Variants in USP48 observed in about 807,000 individuals in gnomAD.
The protein encoded by USP48 is ubiquitin carboxyl-terminal hydrolase 48.
USP48 carries 43 observed loss-of-function variants against 150.7 expected under a neutral mutation model. That is an observed-to-expected ratio of 0.29 (90% CI 0.22 to 0.37). USP48 has a LOEUF of 0.37. Ranked by LOEUF, USP48 falls within the 10% of genes least tolerant of loss-of-function variation. USP48 has a pLI of 1.00. For synonymous variants in USP48, 396 were observed against 425.9 expected (o/e 0.93, Z 0.86); for missense variants, 813 against 1,249.6 (o/e 0.65, Z 5.27).
chr1:21,727,694 CAG>C (rs1226860334), intron 11 of USP48, among the ~76,000 whole-genome samples: 1 of 152,064 alleles, frequency 6.6e-6, no homozygotes, highest in East Asian at 1.9e-4. Context: ...AACCCTTGGA[CAG>C]AGTTAAAGTA....
At position 21,747,086 on chromosome 1, in the gene USP48, C is replaced by T. The variant is rs1326411895; in HGVS notation, c.972G>A (p.Glu324=). Residue 324 remains glutamate (E), a synonymous_variant, in exon 8 of 27, where the codon GAG becomes GAA. Transcript: ENST00000308271. ...TATTACCTTTATGTTCCACATAAGG[C>T]TCCATATCCAAAATTTCTGAGAAGC... is the stretch of plus-strand genomic sequence containing the variant. ...YIGFSEILDM[E]PYVEHKGGSY... is the part of the protein sequence containing the mutation. 6.2e-7 allele frequency: 1 copy of T among 1,611,852 alleles called. No homozygotes were observed. Among genetic ancestry groups the T allele is most frequent in the Non-Finnish European group, 8.5e-7 (1 of 1,179,576 alleles).
chr1:21,717,090 T>A (rs549371296), intron 14 of USP48, among the ~76,000 whole-genome samples: 166 of 143,892 alleles, frequency 1.2e-3, no homozygotes, highest in African/African-American at 3.4e-3. Context: ...ATACAAAAAA[T>A]ATCTACTAAT....
intron 25 of USP48, chr1:21,686,665 C>T (rs2097580990): frequency 6.5e-6 from 1 of 154,136 alleles, no homozygotes; most frequent in South Asian, 2.0e-4. Context: ...GAGATGGTCT[C>T]CTATTTGGTA....
intron 18 of USP48, 81 bp from the exon 19 acceptor site, chr1:21,705,918 A>G: frequency 2.5e-6 from 3 of 1,208,520 alleles, no homozygotes; most frequent in Non-Finnish European, 3.4e-6. Context: ...TTATTTCAAA[A>G]TCAGAGATAT....
chr1:21,739,742 T>G (rs1399145168), intron 8 of USP48, among the ~76,000 whole-genome samples: 1 of 152,188 alleles, frequency 6.6e-6, no homozygotes, highest in African/African-American at 2.4e-5. Flanking sequence ...CAAAACTTAC[T>G]CGTCCTGTTG....
At chr1:21,726,807 A>G (rs2097738574) in intron 11 of USP48, among the ~76,000 whole-genome samples, 1 of 152,242 alleles carries the variant, frequency 6.6e-6, no homozygotes, top group Non-Finnish European at 1.5e-5. Context: ...TCCAAAGGCC[A>G]TGGACATAAT....
chr1:21,720,967 C>G lies in USP48; in HGVS notation c.1894+69G>C. On this transcript the variant is annotated intron_variant, in intron 14 of 26. Transcript: ENST00000308271. ...AGCTGGGACTACACGAATGAGCCAC[C>G]GTGCCTGGCCCACTTATATTTTCAT... The G allele has an allele frequency of 2.5e-6, 4 of 1,577,540 alleles. No individual in the cohort carries two copies. The South Asian group carries it at 4.7e-5, about 18-fold the overall frequency.
intron 1 of USP48, among the ~76,000 whole-genome samples, chr1:21,765,837 G>A (rs78666741): frequency 0.08 from 10,950 of 137,116 alleles, 472 homozygotes; most frequent in Middle Eastern, 0.12. Context: ...CTACGAAGCC[G>A]AGGTTGCAGT....
Position 21,721,768 on chromosome 1 carries a change from C to T in USP48, c.1649-4G>A, listed in dbSNP as rs371746631. 161 of 1,567,050 alleles carry T rather than the reference C, an allele frequency of 1.0e-4. No individual in the cohort carries two copies. The highest frequency in any genetic ancestry group is 3.4e-4 in the Middle Eastern group (2 of 5,898). The stretch of plus-strand genomic sequence containing the variant: ...CATTCCTTACACAGGGCTTTCACTA[C>T]AGGCAAGAAAGAATGAAAGGAAATA... On this transcript the variant is annotated splice_region_variant and splice_polypyrimidine_tract_variant and intron_variant, in intron 12 of 26. Transcript: ENST00000308271.
At chr1:21,688,012 C>T (rs2097584247) in intron 24 of USP48, among the ~76,000 whole-genome samples, 1 of 152,140 alleles carries the variant, frequency 6.6e-6, no homozygotes, top group South Asian at 2.1e-4. Flanking sequence ...AACTTTATCA[C>T]ACCAGAACGG....
chr1:21,747,366 G>A lies in USP48; in HGVS notation c.909-217C>T, dbSNP rs138427966. ...ATGCGAAGTGCTGATTCCAAACACA[G>A]CTTATTTTCCAGAAGTTTCAACTTA... is the stretch of plus-strand genomic sequence containing the variant. On this transcript the variant is annotated intron_variant, in intron 7 of 26. Transcript: ENST00000308271. 4.3e-4 allele frequency among the ~76,000 whole-genome samples: 65 copies of A among 152,272 alleles called. No homozygotes were observed. The East Asian group carries it at 0.012, about 29-fold the overall frequency.
chr1:21,711,640 A>G (rs1326456388), intron 15 of USP48, among the ~76,000 whole-genome samples: 1 of 152,234 alleles, frequency 6.6e-6, no homozygotes, highest in African/African-American at 2.4e-5. Context: ...TAGTGGCCCA[A>G]TAGCAGACAG....
At chr1:21,710,213 T>C (rs1243510086) in intron 15 of USP48, among the ~76,000 whole-genome samples, 1 of 151,860 alleles carries the variant, frequency 6.6e-6, no homozygotes, top group African/African-American at 2.4e-5. Flanking sequence ...CAAAACAAGA[T>C]CAAAGCAGTC....
At chr1:21,696,798 C>T (rs1216926206) in intron 22 of USP48, among the ~76,000 whole-genome samples, 4 of 151,258 alleles carry the variant, frequency 2.6e-5, no homozygotes, top group Non-Finnish European at 5.9e-5. Flanking sequence ...CTCTACAGTA[C>T]TCCTATAAAT....
intron 15 of USP48, 90 bp downstream of exon 15, chr1:21,715,299 G>A (rs1229808868): frequency 1.3e-5 from 13 of 985,230 alleles, no homozygotes; most frequent in African/African-American, 1.7e-5. Flanking sequence ...CAGGTAAGAT[G>A]TGAGAGATAC....
chr1:21,721,177 G>A lies in USP48; in HGVS notation c.1764-11C>T. On this transcript the variant is annotated splice_polypyrimidine_tract_variant and intron_variant, in intron 13 of 26. Coordinates refer to ENST00000308271, the MANE Select transcript of USP48 (RefSeq NM_032236.8). ...CAAAATCCATCGCTGCTGTGGAACA[G>A]AGAGAATGTTAAATCATATAAGTAA... The A allele has an allele frequency of 6.2e-7, 1 of 1,613,746 alleles. No individual in the cohort carries two copies. The highest frequency in any genetic ancestry group is 8.5e-7 in the Non-Finnish European group (1 of 1,179,770).
At position 21,731,079 on chromosome 1, in the gene USP48, G is replaced by A. The variant is rs1032871135; in HGVS notation, c.1172-1247C>T. Among the ~76,000 whole-genome samples, 2 of 151,950 alleles carry A rather than the reference G, an allele frequency of 1.3e-5. 1 individual carries two copies. The highest frequency in any genetic ancestry group is 4.8e-5 in the African/African-American group (2 of 41,354). ...TGGCTGAAATATTTTTATTCTCAAT[G>A]ATTGCTTGGTACACAAGTATTTGTT... On this transcript the variant is annotated intron_variant, in intron 9 of 26. Transcript: ENST00000308271.
intron 1 of USP48, among the ~76,000 whole-genome samples, chr1:21,762,229 T>C (rs2097851670): frequency 1.3e-5 from 2 of 151,814 alleles, no homozygotes; most frequent in South Asian, 4.2e-4. Context: ...ATCGCACCAG[T>C]GCATTCCAGC....
In USP48 at chr1:21,736,527, C is replaced by G; in HGVS notation, c.1090G>C (p.Gly364Arg). The part of the protein sequence containing the change: ...YIAHVKDPQS[G>R]EWYKFNDEDI... ...TCATCATTAAACTTATACCATTCAC[C>G]AGACTGTGGATCTTTCACGTGGGCG... The change falls in exon 9 of 27, where the codon GGT (glycine) becomes CGT (arginine). Residue 364 changes from glycine (G) to arginine (R), a missense_variant. Physicochemically the swap from Gly to Arg is moderately radical, Grantham distance 125. Coordinates refer to ENST00000308271, the MANE Select transcript of USP48 (RefSeq NM_032236.8). The G allele has an allele frequency of 6.2e-7, 1 of 1,602,186 alleles. No individual in the cohort carries two copies. Among genetic ancestry groups the G allele is most frequent in the Non-Finnish European group, 8.5e-7 (1 of 1,176,276 alleles).
Sources: gnomAD v4.1 joint callset for allele counts (sites outside exome capture counted in the v4.1 genomes callset) on GRCh38, gnomAD v4.1.1 for gene constraint, MANE v1.5 for transcripts, NCBI Gene and HGNC (gene_info 2026-07-23, HGNC 2026-07-21) for gene names.